RDH11: variants seen among roughly 807,000 people sequenced by gnomAD.
The protein encoded by RDH11 is retinol dehydrogenase 11, also known as HCV core-binding protein HCBP12.
In RDH11, 19 loss-of-function variants were observed where a neutral mutation model predicts 33.4. The ratio of observed to expected loss-of-function variants is 0.57; its 90% CI spans 0.40 to 0.83. The LOEUF is 0.83. Among genes scored for constraint, RDH11 ranks in the 40% least tolerant of loss-of-function variants. RDH11 has a pLI of 0.00. For missense variants in RDH11, 353 were observed against 389.0 expected (o/e 0.91, Z 0.78); for synonymous variants, 154 against 155.3 (o/e 0.99, Z 0.06).
intron 5 of RDH11, among the ~76,000 whole-genome samples, chr14:67,685,868 G>C (rs1009457301): frequency 1.3e-5 from 2 of 152,034 alleles, no homozygotes; most frequent in African/African-American, 4.8e-5. Flanking sequence ...TGCCCACCTC[G>C]GCCTCCCAAA....
chr14:67,689,681 C>T (rs2037724594), intron 5 of RDH11, among the ~76,000 whole-genome samples: 1 of 152,172 alleles, frequency 6.6e-6, no homozygotes, highest in African/African-American at 2.4e-5. Flanking sequence ...CGGTGGCTCA[C>T]ACCTAAAATC....
At chr14:67,682,212 A>G (rs930870177) in intron 6 of RDH11, among the ~76,000 whole-genome samples, 1 of 152,232 alleles carries the variant, frequency 6.6e-6, no homozygotes, top group African/African-American at 2.4e-5. Flanking sequence ...ACCTTGGGTA[A>G]GGCAATGATT....
intron 5 of RDH11, 52 bp downstream of exon 5, chr14:67,690,160 T>C: frequency 3.9e-6 from 6 of 1,535,902 alleles, no homozygotes; most frequent in Non-Finnish European, 5.4e-6. Flanking sequence ...CCTGTGGCTT[T>C]TACCTGCCTC....
At chr14:67,688,541 G>A (rs1434120685) in intron 5 of RDH11, among the ~76,000 whole-genome samples, 6 of 151,678 alleles carry the variant, frequency 4.0e-5, no homozygotes, top group African/African-American at 1.5e-4. Context: ...GGGAAGAGGG[G>A]AATAAATGAA....
At chr14:67,687,748 A>T (rs1443559668) in intron 5 of RDH11, among the ~76,000 whole-genome samples, 1 of 146,512 alleles carries the variant, frequency 6.8e-6, no homozygotes, top group African/African-American at 2.5e-5. Flanking sequence ...TGGGATTACA[A>T]GCATGAGCCA....
At chr14:67,680,559 G>C (rs2037602496) in intron 6 of RDH11, among the ~76,000 whole-genome samples, 1 of 152,128 alleles carries the variant, frequency 6.6e-6, no homozygotes, top group Non-Finnish European at 1.5e-5. Flanking sequence ...CCCAGGCTCA[G>C]GTGATCCTCC....
intron 6 of RDH11, among the ~76,000 whole-genome samples, chr14:67,681,061 G>A (rs1452393492): frequency 6.6e-6 from 1 of 152,210 alleles, no homozygotes; most frequent in Non-Finnish European, 1.5e-5. Context: ...CAGTGTGACT[G>A]TATTTAGAGA....
At chr14:67,686,790 A>T (rs1412696132) in intron 5 of RDH11, among the ~76,000 whole-genome samples, 1 of 152,204 alleles carries the variant, frequency 6.6e-6, no homozygotes, top group Non-Finnish European at 1.5e-5. Context: ...GTAATATGAA[A>T]TGTATACATA....
At chr14:67,680,516 T>C (rs968441126) in intron 6 of RDH11, among the ~76,000 whole-genome samples, 4 of 152,128 alleles carry the variant, frequency 2.6e-5, no homozygotes, top group Non-Finnish European at 4.4e-5. Context: ...CAGGCTGGAG[T>C]GCAGTGGTGT....
Position 67,685,430 on chromosome 14 carries a change from T to G in RDH11, c.665-226A>C, listed in dbSNP as rs545661105. ...CCTCTGTGTATTTCTGACTGGAAAC[T>G]CAAGTCAGGAATCAGCAGAGCCAAG... is the stretch of plus-strand genomic sequence containing the variant. On this transcript the variant is annotated intron_variant, in intron 5 of 6. Transcript: ENST00000381346. 4.6e-5 allele frequency among the ~76,000 whole-genome samples: 7 copies of G among 152,234 alleles called. No homozygotes were observed. In the South Asian group the frequency reaches 1.5e-3, roughly 32 times the overall value.
chr14:67,694,782 G>A (rs1160288645), intron 1 of RDH11, among the ~76,000 whole-genome samples: 1 of 151,784 alleles, frequency 6.6e-6, no homozygotes, highest in African/African-American at 2.4e-5. Flanking sequence ...GGTGACTGTG[G>A]TAAGAAATGA....
intron 5 of RDH11, among the ~76,000 whole-genome samples, chr14:67,685,802 G>C (rs980724782): frequency 2.0e-5 from 3 of 152,048 alleles, no homozygotes; most frequent in African/African-American, 7.2e-5. Context: ...TTTTAGTGGA[G>C]ACGGGATTTC....
At chr14:67,679,522 G>A (rs934250272) in intron 6 of RDH11, among the ~76,000 whole-genome samples, 3 of 151,694 alleles carry the variant, frequency 2.0e-5, no homozygotes, top group Non-Finnish European at 4.4e-5. Context: ...TCCTGCCTCA[G>A]CCTCCAGAGT....
rs968182013 is a variant in RDH11 at position 67,692,967 on chromosome 14, C to T, written c.160G>A (p.Gly54Arg). Residue 54 changes from glycine (G) to arginine (R), a missense_variant, in exon 2 of 7, where the codon GGG (glycine) becomes AGG (arginine). By Grantham distance (125) the Gly-to-Arg change is moderately radical (BLOSUM62 -2). Coordinates refer to ENST00000381346, the MANE Select transcript of RDH11 (RefSeq NM_016026.4). ...GCCAGCTCTTTGGCTGTCTCCTTCC[C>T]GATACCTGTATTAGCTCCTGTGACC... is the stretch of plus-strand genomic sequence containing the variant. ...VVVTGANTGI[G>R]KETAKELAQR... The T allele has an allele frequency of 2.5e-6, 4 of 1,613,866 alleles. No individual in the cohort carries two copies. The African/African-American group carries it at 4.0e-5, about 16-fold the overall frequency.
intron 1 of RDH11, 54 bp downstream of exon 1, chr14:67,695,576 C>T (rs994620753): frequency 1.2e-4 from 179 of 1,540,104 alleles, no homozygotes; most frequent in Non-Finnish European, 1.5e-4. Flanking sequence ...TTCTATGTTT[C>T]CCTCCCGCCC....
rs111433401 is a variant in RDH11, at chr14:67,694,879, C to T, written c.74+751G>A. Among the ~76,000 whole-genome samples, 118 of 152,224 alleles carry T rather than the reference C, an allele frequency of 7.8e-4. 1 individual carries two copies. The highest frequency in any genetic ancestry group is 2.8e-3 in the African/African-American group (116 of 41,530). ...GTGTCTGTCTATTCAGTCACTGGTCCGTCACCACTGGTGATTTACTTAGAA... is the reference window on the plus strand; with the variant it reads ...GTGTCTGTCTATTCAGTCACTGGTCTGTCACCACTGGTGATTTACTTAGAA... On this transcript the variant is annotated intron_variant, in intron 1 of 6. Transcript: ENST00000381346.
chr14:67,692,556 C>A lies in RDH11; in HGVS notation c.231G>T (p.Lys77Asn). The A allele has an allele frequency of 6.2e-7, 1 of 1,607,892 alleles. No homozygotes were observed. Among genetic ancestry groups the A allele is most frequent in the Non-Finnish European group, 8.5e-7 (1 of 1,177,578 alleles). Residue 77 changes from lysine to asparagine, a missense_variant, in exon 3 of 7, where the codon AAG becomes AAT. Transcript: ENST00000381346. The stretch of plus-strand genomic sequence containing the variant: ...GGATCTCTTTGGCCACCAATTCCCC[C>A]TTTTCCACATCCCGGCAAGCTAAAT... ...RVYLACRDVEKGELVAKEIQT... is the reference protein window; with the variant it reads ...RVYLACRDVENGELVAKEIQT...
At position 67,677,681 on chromosome 14, in the gene RDH11, C is replaced by T. The variant is rs1166149507; in HGVS notation, c.*640G>A. The T allele has an allele frequency of 6.6e-6, 1 of 152,070 alleles. No individual in the cohort carries two copies. The highest frequency in any genetic ancestry group is 1.9e-4 in the East Asian group (1 of 5,192). The allele number at this position is 152,070 out of a possible 1,614,324, so 9.4% of individuals were successfully genotyped here. On this transcript the variant is annotated 3_prime_UTR_variant, in exon 7 of 7. Coordinates refer to ENST00000381346, the MANE Select transcript of RDH11 (RefSeq NM_016026.4). ...TTTCATTTGCATAAAGACTGGATGG[C>T]ACTGGTTTGCTCCATCTCTGATTAT...
Position 67,689,939 on chromosome 14 carries a change from C to T in RDH11, c.664+273G>A, listed in dbSNP as rs1460996495. 2.0e-5 allele frequency: 7 copies of T among 352,452 alleles called. No homozygotes were observed. In the Admixed American group the frequency reaches 2.1e-4, roughly 10 times the overall value. 21.8% of individuals were successfully genotyped at this position (352,452 alleles called of 1,614,324 possible). On this transcript the variant is annotated intron_variant, in intron 5 of 6. Coordinates refer to ENST00000381346, the MANE Select transcript of RDH11 (RefSeq NM_016026.4). Reference sequence around the variant, plus strand: ...CAGCATGGGTGACAGAGCAAGATCCCGTCTCAAAAAAAAAAAAAGTTAAGT... The same window carrying T: ...CAGCATGGGTGACAGAGCAAGATCCTGTCTCAAAAAAAAAAAAAGTTAAGT...
Sources: allele counts gnomAD v4.1 joint callset (sites outside exome capture counted in the v4.1 genomes callset), GRCh38; gene constraint gnomAD v4.1.1; transcripts MANE v1.5; gene names NCBI Gene and HGNC (gene_info 2026-07-23, HGNC 2026-07-21).